The following COL5A2 variants were observed in gnomAD, a reference collection of about 807,000 sequenced individuals.
COL5A2 encodes collagen alpha-2(V) chain.
In COL5A2, 23 loss-of-function variants were observed where a neutral mutation model predicts 208.2. That is an observed-to-expected ratio of 0.11 (90% CI 0.08 to 0.16). The LOEUF is 0.16. COL5A2 is among the 10% of genes least tolerant of loss of function. COL5A2 has a pLI of 1.00. For missense variants in COL5A2, 1,590 were observed against 1,956.4 expected, an observed-to-expected ratio of 0.81 and a Z score of 3.53; for synonymous variants, 625 against 628.5, an observed-to-expected ratio of 0.99 and a Z score of 0.08.
chr2:189,279,830 T>C, the COL5A2 span, among the ~76,000 whole-genome samples: 1 of 152,086 alleles, frequency 6.6e-6, no homozygotes, highest in Non-Finnish European at 1.5e-5. Context: ...GATGCAAAAG[T>C]TTATTCAAAT....
the COL5A2 span, among the ~76,000 whole-genome samples, chr2:189,429,869 G>A: frequency 6.6e-6 from 1 of 152,098 alleles, no homozygotes; most frequent in Non-Finnish European, 1.5e-5. Context: ...TAATATTACT[G>A]TAGGCAATAC....
the COL5A2 span, among the ~76,000 whole-genome samples, chr2:189,407,682 ACCC>A: frequency 6.6e-6 from 1 of 152,152 alleles, no homozygotes; most frequent in East Asian, 1.9e-4. Context: ...TGAATCACCT[ACCC>A]AGAGACATAA....
chr2:189,083,854 T>G, intron 12 of COL5A2, 130 bp downstream of exon 12: 2 of 741,222 alleles, frequency 2.7e-6, no homozygotes, highest in Non-Finnish European at 4.7e-6. Flanking sequence ...ATTTTACATT[T>G]TTACGGAAAC....
Position 189,070,771 on chromosome 2 carries a change from G to T in COL5A2, c.1158+1269C>A, listed in dbSNP as rs79971416. ...AGGGATTTTGCATGTTTTGATAGGG[G>T]TATATAGAGAGTCTGGGCCAGAGTC... On this transcript the variant is annotated intron_variant, in intron 18 of 53. Coordinates refer to ENST00000374866, the MANE Select transcript of COL5A2 (RefSeq NM_000393.5). 4.6e-5 allele frequency among the ~76,000 whole-genome samples: 7 copies of T among 152,232 alleles called. No homozygotes were observed. The South Asian group carries it at 1.2e-3, about 27-fold the overall frequency.
At chr2:189,424,034 G>A in the COL5A2 span, among the ~76,000 whole-genome samples, 1 of 152,000 alleles carries the variant, frequency 6.6e-6, no homozygotes, top group Non-Finnish European at 1.5e-5. Flanking sequence ...AGAAATGCAA[G>A]GATGATTCAA....
At chr2:189,142,537 T>C (rs1687953979) in intron 1 of COL5A2, among the ~76,000 whole-genome samples, 1 of 152,182 alleles carries the variant, frequency 6.6e-6, no homozygotes, top group Non-Finnish European at 1.5e-5. Flanking sequence ...TATTAATGAA[T>C]GTCCACTAAA....
At chr2:189,357,768 A>AAAG in the COL5A2 span, among the ~76,000 whole-genome samples, 2 of 150,876 alleles carry the variant, frequency 1.3e-5, no homozygotes, top group African/African-American at 2.4e-5. Context: ...GGTATGAAAA[A>AAAG]AAAAAAAAAA....
chr2:189,440,816 G>C, the COL5A2 span, among the ~76,000 whole-genome samples: 1 of 152,330 alleles, frequency 6.6e-6, no homozygotes. Flanking sequence ...AACCTGGCGG[G>C]ACTGGCCGAA....
At chr2:189,193,624 G>C (rs958702489) in intron 1 of COL5A2, among the ~76,000 whole-genome samples, 1 of 152,160 alleles carries the variant, frequency 6.6e-6, no homozygotes, top group Non-Finnish European at 1.5e-5. Context: ...ATTTAGTTAA[G>C]AGGGATTAAA....
At chr2:189,402,392 AT>A in the COL5A2 span, among the ~76,000 whole-genome samples, 4 of 151,410 alleles carry the variant, frequency 2.6e-5, no homozygotes, top group South Asian at 2.1e-4. Flanking sequence ...TAATTTTTGA[AT>A]TTTTTTTAGT....
At chr2:189,179,112 C>G (rs1302354335) in intron 1 of COL5A2, among the ~76,000 whole-genome samples, 1 of 152,162 alleles carries the variant, frequency 6.6e-6, no homozygotes, top group Non-Finnish European at 1.5e-5. Flanking sequence ...CAAAAAGACT[C>G]CACCCTACCC....
intron 1 of COL5A2, among the ~76,000 whole-genome samples, chr2:189,133,404 A>T (rs1687764586): frequency 6.6e-6 from 1 of 152,060 alleles, no homozygotes; most frequent in Non-Finnish European, 1.5e-5. Context: ...TACAAGCGTG[A>T]GCCACCACAC....
At chr2:189,239,077 T>TG in the COL5A2 span, among the ~76,000 whole-genome samples, 2 of 152,280 alleles carry the variant, frequency 1.3e-5, no homozygotes, top group South Asian at 4.2e-4. Flanking sequence ...AAATGAACTT[T>TG]GGTCAACTGA....
chr2:189,184,467 A>G (rs1371256984), upstream of COL5A2, among the ~76,000 whole-genome samples: 1 of 152,190 alleles, frequency 6.6e-6, no homozygotes, highest in Non-Finnish European at 1.5e-5. Context: ...GATAAAATCA[A>G]ACTGTTAGCA....
chr2:189,436,985 C>G, the COL5A2 span, among the ~76,000 whole-genome samples: 1 of 151,960 alleles, frequency 6.6e-6, no homozygotes, highest in Non-Finnish European at 1.5e-5. Context: ...CCTGCACATC[C>G]TGCGCATGTA....
At chr2:189,414,613 G>A in the COL5A2 span, among the ~76,000 whole-genome samples, 85 of 152,032 alleles carry the variant, frequency 5.6e-4, no homozygotes, top group Non-Finnish European at 2.2e-4. Flanking sequence ...AGCCAAGTGC[G>A]GTGGCATGCG....
At chr2:189,133,866 T>C (rs1399789083) in intron 1 of COL5A2, among the ~76,000 whole-genome samples, 1 of 152,120 alleles carries the variant, frequency 6.6e-6, no homozygotes, top group Non-Finnish European at 1.5e-5. Flanking sequence ...ATGACTATTT[T>C]AGTTTTCCTT....
chr2:189,058,851 T>C lies in COL5A2; in HGVS notation c.2128A>G (p.Arg710Gly), dbSNP rs980174094. Reference sequence around the variant, plus strand: ...ATCATGAAGATTAAAATACTTACTCTAGGTCCTAACGGGCCAACTGCTCCG... The same window carrying C: ...ATCATGAAGATTAAAATACTTACTCCAGGTCCTAACGGGCCAACTGCTCCG... ...DPGAVGPLGP[R>G]GERGNPGERG... The change falls in exon 32 of 54, where the codon AGA (arginine) becomes GGA (glycine). Residue 710 changes from arginine (R) to glycine (G), a missense_variant and splice_region_variant. Transcript: ENST00000374866. 19 of 1,613,564 alleles carry C rather than the reference T, an allele frequency of 1.2e-5. No homozygotes were observed. The highest frequency in any genetic ancestry group is 1.5e-5 in the Non-Finnish European group (18 of 1,179,666).
At chr2:189,307,965 C>T in the COL5A2 span, among the ~76,000 whole-genome samples, 1 of 152,210 alleles carries the variant, frequency 6.6e-6, no homozygotes, top group Non-Finnish European at 1.5e-5. Flanking sequence ...TATGGAATAG[C>T]TGTTCTTTTA....
Sources: gnomAD v4.1 joint callset for allele counts (sites outside exome capture counted in the v4.1 genomes callset) on GRCh38, gnomAD v4.1.1 for gene constraint, MANE v1.5 for transcripts, NCBI Gene and HGNC (gene_info 2026-07-23, HGNC 2026-07-21) for gene names.